The following RNF130 variants were observed in gnomAD, a reference collection of about 807,000 sequenced individuals.
RNF130 encodes the protein E3 ubiquitin-protein ligase RNF130.
A neutral mutation model predicts 44.6 loss-of-function variants in RNF130; 21 were observed. That is an observed-to-expected ratio of 0.47 (90% confidence interval 0.33 to 0.68). The LOEUF (loss-of-function observed/expected upper bound fraction) is 0.68, where lower values mean the gene tolerates loss of function less well. RNF130 is among the 30% of genes least tolerant of loss of function. The pLI is 0.02. For missense variants in RNF130, 479 were observed against 560.6 expected (o/e 0.85, Z 1.47); for synonymous variants, 214 against 210.4 (o/e 1.02, Z -0.15).
intron 1 of RNF130, among the ~76,000 whole-genome samples, chr5:180,054,478 T>C: frequency 6.6e-6 from 1 of 152,150 alleles, no homozygotes; most frequent in East Asian, 1.9e-4. Context: ...CGATATCCAG[T>C]TGTCCCCGCA....
At chr5:179,951,685 A>G (rs1762129029), downstream of RNF130, among the ~76,000 whole-genome samples, 1 of 149,818 alleles carries the variant, frequency 6.7e-6, no homozygotes, top group South Asian at 2.2e-4. Flanking sequence ...AAGCCTTAAT[A>G]AATTTATGAT....
exon 8 of RNF130, chr5:179,915,709 C>T (rs1445539579): frequency 6.6e-6 from 1 of 152,326 alleles, no homozygotes; most frequent in Non-Finnish European, 1.5e-5. Flanking sequence ...GGTTCCTTTT[C>T]TTTCCAAACA....
chr5:180,068,115 C>T (rs1228796990), intron 1 of RNF130, among the ~76,000 whole-genome samples: 1 of 152,230 alleles, frequency 6.6e-6, no homozygotes, highest in Non-Finnish European at 1.5e-5. Context: ...CTCTTCCCCA[C>T]CAGCACATCT....
chr5:180,038,328 C>T (rs1318636600), intron 2 of RNF130, among the ~76,000 whole-genome samples: 1 of 151,182 alleles, frequency 6.6e-6, no homozygotes, highest in Non-Finnish European at 1.5e-5. Context: ...GCTCAGGGAT[C>T]CATGATCGTA....
chr5:180,046,831 A>C (rs955329067), intron 1 of RNF130, among the ~76,000 whole-genome samples: 1 of 152,164 alleles, frequency 6.6e-6, no homozygotes, highest in African/African-American at 2.4e-5. Context: ...CATTTATCAT[A>C]CTGTATTAGT....
chr5:179,994,244 T>G (rs918238274), intron 3 of RNF130, among the ~76,000 whole-genome samples: 6 of 152,254 alleles, frequency 3.9e-5, no homozygotes, highest in African/African-American at 1.4e-4. Context: ...TCCAATTCTA[T>G]GAAGAAAGTC....
intron 7 of RNF130, among the ~76,000 whole-genome samples, chr5:179,948,380 T>C (rs1411522578): frequency 6.6e-6 from 1 of 152,112 alleles, no homozygotes; most frequent in Non-Finnish European, 1.5e-5. Flanking sequence ...GTTCTGTTTG[T>C]TGCTCTTGGC....
intron 6 of RNF130, among the ~76,000 whole-genome samples, chr5:179,968,341 A>C (rs1254508812): frequency 1.3e-5 from 2 of 151,272 alleles, no homozygotes; most frequent in East Asian, 3.9e-4. Context: ...GCTAGCGGTA[A>C]CAACAGAGGG....
intron 2 of RNF130, among the ~76,000 whole-genome samples, chr5:180,018,226 T>C (rs1351598270): frequency 2.0e-5 from 3 of 147,946 alleles, no homozygotes; most frequent in Non-Finnish European, 4.5e-5. Context: ...ACAAGGGTGG[T>C]GGAGGTTTCA....
chr5:180,029,020 A>G (rs1053750774), intron 2 of RNF130, among the ~76,000 whole-genome samples: 2 of 152,220 alleles, frequency 1.3e-5, no homozygotes, highest in East Asian at 3.8e-4. Context: ...TAGGTAGACG[A>G]GGATGCCAGT....
At chr5:180,059,909 G>T (rs1764933650) in intron 1 of RNF130, among the ~76,000 whole-genome samples, 1 of 152,102 alleles carries the variant, frequency 6.6e-6, no homozygotes, top group Non-Finnish European at 1.5e-5. Context: ...AGAGCAAGGG[G>T]GAACTAGGTT....
intron 3 of RNF130, among the ~76,000 whole-genome samples, chr5:179,994,962 G>C: frequency 6.6e-6 from 1 of 152,166 alleles, no homozygotes. Context: ...CAGCCTTGGG[G>C]GAGGGGAGGG....
chr5:179,991,337 T>C (rs1367749374), intron 3 of RNF130, among the ~76,000 whole-genome samples: 1 of 152,236 alleles, frequency 6.6e-6, no homozygotes, highest in Non-Finnish European at 1.5e-5. Flanking sequence ...CCTTTTGCAA[T>C]GTATTTGCCT....
intron 7 of RNF130, among the ~76,000 whole-genome samples, chr5:179,945,594 C>G (rs1282028177): frequency 6.6e-6 from 1 of 152,164 alleles, no homozygotes; most frequent in South Asian, 2.1e-4. Context: ...GCAGGACTCA[C>G]ACCGCGGTGG....
chr5:180,058,335 T>C (rs1478301816), intron 1 of RNF130, among the ~76,000 whole-genome samples: 1 of 152,198 alleles, frequency 6.6e-6, no homozygotes, highest in Non-Finnish European at 1.5e-5. Context: ...TGTGCTAATT[T>C]TTAAAAATCT....
At chr5:179,924,457 T>G (rs770135310) in intron 7 of RNF130, among the ~76,000 whole-genome samples, 1 of 148,390 alleles carries the variant, frequency 6.7e-6, no homozygotes, top group South Asian at 2.1e-4. Context: ...ATTGTGCCAT[T>G]GCACTCCAGC....
At chr5:180,066,869 A>T (rs932757401) in intron 1 of RNF130, among the ~76,000 whole-genome samples, 3 of 151,864 alleles carry the variant, frequency 2.0e-5, no homozygotes, top group Admixed American at 6.6e-5. Context: ...AAATAAAAAT[A>T]AAAAAATTAG....
At chr5:180,025,794 T>C (rs751200870) in intron 2 of RNF130, among the ~76,000 whole-genome samples, 1 of 152,180 alleles carries the variant, frequency 6.6e-6, no homozygotes, top group Non-Finnish European at 1.5e-5. Flanking sequence ...CATATTCAAT[T>C]AGAAGCTAAA....
intron 7 of RNF130, among the ~76,000 whole-genome samples, chr5:179,943,136 A>G (rs1006503269): frequency 6.6e-6 from 1 of 152,248 alleles, no homozygotes; most frequent in African/African-American, 2.4e-5. Context: ...CAGAGGTTGC[A>G]GTGAGCTGAG....
Sources: allele counts gnomAD v4.1 joint callset (sites outside exome capture counted in the v4.1 genomes callset), GRCh38; gene constraint gnomAD v4.1.1; transcripts MANE v1.5; gene names NCBI Gene and HGNC (gene_info 2026-07-23, HGNC 2026-07-21).